The following CDH8 variants were observed in gnomAD, a reference collection of about 807,000 sequenced individuals.
The protein encoded by CDH8 is cadherin-8.
Under a neutral mutation model 68.1 loss-of-function variants are expected in CDH8, and 17 were observed. The observed-to-expected ratio is 0.25, with a 90% confidence interval of 0.17 to 0.37. The LOEUF is 0.37. CDH8 is among the 10% of genes least tolerant of loss of function. The pLI, the probability that CDH8 is intolerant of heterozygous loss-of-function variation, is 1.00. For missense variants in CDH8, 763 were observed against 999.3 expected, an observed-to-expected ratio of 0.76 and a Z score of 3.19; for synonymous variants, 372 against 365.1, an observed-to-expected ratio of 1.02 and a Z score of -0.21.
chr16:61,717,960 A>C (rs2142875623), intron 9 of CDH8, among the ~76,000 whole-genome samples: 1 of 151,522 alleles, frequency 6.6e-6, no homozygotes, highest in African/African-American at 2.4e-5. Context: ...TATGAAGTAT[A>C]TATTACATAT....
chr16:61,977,402 A>C (rs187333098), intron 2 of CDH8, among the ~76,000 whole-genome samples: 177 of 152,312 alleles, frequency 1.2e-3, no homozygotes, highest in African/African-American at 4.1e-3. Context: ...CATTTACCTC[A>C]AAGACTTCTT....
rs149493554 is a variant in CDH8, at chr16:61,974,718, G to A, written c.252+46434C>T. Among the ~76,000 whole-genome samples the A allele has an allele frequency of 5.5e-3, 835 of 152,208 alleles. 4 individuals carry two copies. The highest frequency in any genetic ancestry group is 0.019 in the South Asian group (93 of 4,830). On this transcript the variant is annotated intron_variant, in intron 2 of 11. Transcript: ENST00000577390. ...TTGTTTCAGCGTCTTAAGTGGTACC[G>A]TTTTCATGGGCAGTAATTCTAGGAG...
At chr16:62,016,325 G>C (rs1302269215) in intron 2 of CDH8, among the ~76,000 whole-genome samples, 1 of 152,156 alleles carries the variant, frequency 6.6e-6, no homozygotes. Context: ...ATCTGTGTTT[G>C]CTCAGAGCTG....
chr16:61,918,455 C>A (rs964895770), intron 2 of CDH8: 3 of 153,036 alleles, frequency 2.0e-5, no homozygotes, highest in South Asian at 2.0e-4. Context: ...TCAGTGGGTG[C>A]GCGCACCATG....
At chr16:61,792,378 T>C (rs979592223) in intron 7 of CDH8, among the ~76,000 whole-genome samples, 2 of 151,996 alleles carry the variant, frequency 1.3e-5, no homozygotes, top group Admixed American at 6.6e-5. Context: ...TCAACTATTT[T>C]GGAAAACTCC....
rs561611024 is a variant in CDH8, at chr16:61,647,779, A to C, written c.*5829T>G. ...TAACATTTGGCTTTGGTGACCTCTC[A>C]TTTCCTTTTCTGGTCCTGACCTCTG... On this transcript the variant is annotated 3_prime_UTR_variant, in exon 12 of 12. Transcript: ENST00000577390. 6 of 699,018 alleles carry C rather than the reference A, an allele frequency of 8.6e-6. No individual in the cohort carries two copies. The East Asian group carries it at 1.6e-4, about 19-fold the overall frequency. The allele number at this position is 699,018 out of a possible 1,614,324, so 43.3% of individuals were successfully genotyped here. A position where few individuals can be genotyped will look rare whatever the true frequency, so the allele number is the denominator to read the frequency against.
At chr16:61,679,937 T>A (rs1963982592) in intron 10 of CDH8, among the ~76,000 whole-genome samples, 1 of 152,024 alleles carries the variant, frequency 6.6e-6, no homozygotes, top group Non-Finnish European at 1.5e-5. Context: ...TGTATGGATA[T>A]CCTTCTCCAA....
chr16:61,659,599 G>C (rs1391496360), intron 10 of CDH8, among the ~76,000 whole-genome samples: 3 of 152,076 alleles, frequency 2.0e-5, no homozygotes, highest in Non-Finnish European at 4.4e-5. Context: ...TGAGAATATG[G>C]AGCCTCAATC....
At chr16:61,866,706 C>T (rs190547089) in intron 3 of CDH8, among the ~76,000 whole-genome samples, 80 of 152,126 alleles carry the variant, frequency 5.3e-4, no homozygotes, top group African/African-American at 1.9e-3. Flanking sequence ...GTTTTTACAT[C>T]AATAAGACTC....
intron 7 of CDH8, among the ~76,000 whole-genome samples, chr16:61,813,726 A>ATG (rs1196184300): frequency 1.3e-5 from 2 of 151,986 alleles, no homozygotes; most frequent in East Asian, 1.9e-4. Flanking sequence ...TCACCTTTTA[A>ATG]TGTGTCTGCG....
At chr16:61,840,180 T>C (rs933230825) in intron 4 of CDH8, among the ~76,000 whole-genome samples, 1 of 152,138 alleles carries the variant, frequency 6.6e-6, no homozygotes. Flanking sequence ...AAGCTTAGAA[T>C]CCCAACAGCT....
chr16:61,868,043 T>C (rs1054803203), intron 3 of CDH8, among the ~76,000 whole-genome samples: 4 of 152,188 alleles, frequency 2.6e-5, no homozygotes, highest in African/African-American at 9.6e-5. Context: ...GTCCTTGTTA[T>C]ACAAGTGCTG....
chr16:61,945,420 G>T (rs951981201), intron 2 of CDH8, among the ~76,000 whole-genome samples: 1 of 134,218 alleles, frequency 7.5e-6, no homozygotes, highest in African/African-American at 2.9e-5. Context: ...ATTTCGTTTT[G>T]TGCCTAGATG....
At chr16:61,987,438 C>T (rs961476409) in intron 2 of CDH8, among the ~76,000 whole-genome samples, 1 of 152,112 alleles carries the variant, frequency 6.6e-6, no homozygotes, top group Non-Finnish European at 1.5e-5. Flanking sequence ...ACCTGCGAGG[C>T]AGAGGTTGCA....
chr16:61,961,558 C>T (rs1965155277), intron 2 of CDH8, among the ~76,000 whole-genome samples: 1 of 152,128 alleles, frequency 6.6e-6, no homozygotes, highest in African/African-American at 2.4e-5. Flanking sequence ...GCTTCATAGG[C>T]TTTCATTCCA....
chr16:61,850,083 A>G (rs1351620851), intron 4 of CDH8, among the ~76,000 whole-genome samples: 1 of 152,048 alleles, frequency 6.6e-6, no homozygotes, highest in Non-Finnish European at 1.5e-5. Context: ...AATACCTGAG[A>G]CTGGGTAATT....
chr16:61,738,976 C>G (rs1208693110), intron 8 of CDH8, among the ~76,000 whole-genome samples: 1 of 152,130 alleles, frequency 6.6e-6, no homozygotes, highest in Non-Finnish European at 1.5e-5. Flanking sequence ...TTACATATCT[C>G]TTATTTTTTC....
chr16:61,800,845 A>G (rs1032168427), intron 7 of CDH8, among the ~76,000 whole-genome samples: 6 of 152,218 alleles, frequency 3.9e-5, no homozygotes, highest in East Asian at 1.9e-4. Flanking sequence ...AAAGCTGTAT[A>G]ATACATCATG....
At chr16:61,960,031 C>CATATATACATATATGTGTGTGTGTAT (rs1965077989) in intron 2 of CDH8, among the ~76,000 whole-genome samples, 1 of 116,454 alleles carries the variant, frequency 8.6e-6, no homozygotes, top group African/African-American at 3.3e-5. Flanking sequence ...CATACACACA[C>CATATATACATATATGTGTGTGTGTAT]ACACACAACA....
Sources: gnomAD v4.1 joint callset for allele counts (sites outside exome capture counted in the v4.1 genomes callset) on GRCh38, gnomAD v4.1.1 for gene constraint, MANE v1.5 for transcripts, NCBI Gene and HGNC (gene_info 2026-07-23, HGNC 2026-07-21) for gene names.